Variants in SIRPA observed in about 807,000 individuals in gnomAD.
SIRPA encodes signal regulatory protein alpha, also known as tyrosine-protein phosphatase non-receptor type substrate 1.
In SIRPA, 9 loss-of-function variants were observed where a neutral mutation model predicts 50.3. The ratio of observed to expected loss-of-function variants is 0.18; its 90% CI spans 0.11 to 0.31. The LOEUF is 0.31. Among genes scored for constraint, SIRPA ranks in the 10% least tolerant of loss-of-function variants. The pLI, the probability that SIRPA is intolerant of heterozygous loss-of-function variation, is 1.00. For synonymous variants in SIRPA, 265 were observed against 284.1 expected (o/e 0.93, Z 0.68); for missense variants, 474 against 661.6 (o/e 0.72, Z 3.11).
At chr20:1,912,578 C>T (rs1984957601) in intron 1 of SIRPA, among the ~76,000 whole-genome samples, 1 of 152,190 alleles carries the variant, frequency 6.6e-6, no homozygotes, top group African/African-American at 2.4e-5. Flanking sequence ...TGTGACAATC[C>T]AGAGAAAATC....
chr20:1,901,615 G>A (rs747360892), intron 1 of SIRPA, among the ~76,000 whole-genome samples: 1 of 152,130 alleles, frequency 6.6e-6, no homozygotes, highest in Non-Finnish European at 1.5e-5. Context: ...GTGTTCCTGG[G>A]ATGGGTATTC....
Position 1,934,707 on chromosome 20 carries a change from C to T in SIRPA, c.1227-8C>T, listed in dbSNP as rs541111031. On this transcript the variant is annotated splice_region_variant and splice_polypyrimidine_tract_variant and intron_variant, in intron 6 of 7. Transcript: ENST00000358771. The surrounding 1 kb of genome is among the most constrained non-coding windows in gnomAD (Gnocchi z 4.6). ...GTATTTTTATCTGTGTGTCTCTTTC[C>T]TTTTTAGGTTGCATGAGCCCGAGAA... 80 of 1,613,828 alleles carry T rather than the reference C, an allele frequency of 5.0e-5. No homozygotes were observed. Among genetic ancestry groups the T allele is most frequent in the Non-Finnish European group, 6.4e-5 (76 of 1,179,866 alleles).
intron 1 of SIRPA, among the ~76,000 whole-genome samples, chr20:1,899,415 C>T (rs969906432): frequency 4.6e-5 from 7 of 152,130 alleles, no homozygotes; most frequent in Non-Finnish European, 1.0e-4. Flanking sequence ...TGTAGAATCC[C>T]GAGCTGGGTC....
intron 1 of SIRPA, among the ~76,000 whole-genome samples, chr20:1,912,127 A>G (rs192474154): frequency 6.6e-6 from 1 of 152,362 alleles, no homozygotes; most frequent in African/African-American, 2.4e-5. Context: ...AGCTAAAAAA[A>G]AAATGGGGGA....
At chr20:1,931,471 G>A (rs532070337) in intron 6 of SIRPA, among the ~76,000 whole-genome samples, 8 of 152,222 alleles carry the variant, frequency 5.3e-5, no homozygotes, top group Non-Finnish European at 7.4e-5. Flanking sequence ...GAAACCAACC[G>A]TTTTCTGCCT....
intron 2 of SIRPA, among the ~76,000 whole-genome samples, chr20:1,918,337 A>G (rs1466557378): frequency 1.4e-5 from 2 of 145,404 alleles, no homozygotes; most frequent in East Asian, 2.0e-4. Flanking sequence ...CTGGGATTAC[A>G]GGGGCACCCA....
intron 2 of SIRPA, among the ~76,000 whole-genome samples, chr20:1,919,712 C>T (rs1985528341): frequency 1.3e-5 from 2 of 152,132 alleles, no homozygotes; most frequent in African/African-American, 4.8e-5. Context: ...AAAATGCTTC[C>T]AGCTTCTGTA....
At position 1,927,150 on chromosome 20, in the gene SIRPA, G is replaced by A. The variant is rs1986028709; in HGVS notation, c.1202-725G>A. ...CAGCAAGAATTCTTGCACTGTGGCA[G>A]CCTCCAGCCTATTAAAGTGCGGTGC... On this transcript the variant is annotated intron_variant, in intron 5 of 7. Transcript: ENST00000358771. The surrounding 1 kb of genome is among the most constrained non-coding windows in gnomAD (Gnocchi z 6.5). 6.6e-6 allele frequency among the ~76,000 whole-genome samples: 1 copy of A among 152,256 alleles called. No homozygotes were observed. Among genetic ancestry groups the A allele is most frequent in the Non-Finnish European group, 1.5e-5 (1 of 68,048 alleles).
upstream of SIRPA, chr20:1,894,463 T>A (rs1181364236): frequency 1.3e-5 from 2 of 152,176 alleles, no homozygotes; most frequent in Non-Finnish European, 2.9e-5. This position sits in a 1 kb window ranked among gnomAD's most constrained non-coding sequence, Gnocchi z 4.0. Context: ...GGACCCGGCC[T>A]CTGGGCAGCC....
At chr20:1,913,254 A>G (rs1985012126) in intron 1 of SIRPA, among the ~76,000 whole-genome samples, 1 of 152,190 alleles carries the variant, frequency 6.6e-6, no homozygotes. Flanking sequence ...ACCGGGCCCC[A>G]AGGGTGATCC....
At chr20:1,907,115 G>A (rs1055156783) in intron 1 of SIRPA, among the ~76,000 whole-genome samples, 2 of 152,174 alleles carry the variant, frequency 1.3e-5, no homozygotes, top group Admixed American at 1.3e-4. Flanking sequence ...CATGGATGGG[G>A]CCACCAGAGT....
At chr20:1,918,744 AATGATG>A (rs1277987787) in intron 2 of SIRPA, among the ~76,000 whole-genome samples, 1 of 151,894 alleles carries the variant, frequency 6.6e-6, no homozygotes, top group Non-Finnish European at 1.5e-5. Flanking sequence ...CTGTCTATGA[AATGATG>A]ATGATGATTG....
chr20:1,936,609 C>G lies in SIRPA; in HGVS notation c.1267-711C>G, dbSNP rs952084847. 6.6e-6 allele frequency among the ~76,000 whole-genome samples: 1 copy of G among 152,168 alleles called. No homozygotes were observed. Among genetic ancestry groups the G allele is most frequent in the African/African-American group, 2.4e-5 (1 of 41,432 alleles). On this transcript the variant is annotated intron_variant, in intron 7 of 7. Coordinates refer to ENST00000358771, the MANE Select transcript of SIRPA (RefSeq NM_001040023.2). The surrounding 1 kb of genome is among the most constrained non-coding windows in gnomAD (Gnocchi z 4.2). ...TCTGTCTCCCTGTCCCCAGCTTTGCCCTGAGTGAAGGTGAAATTATTGCCA... is the reference window on the plus strand; with the variant it reads ...TCTGTCTCCCTGTCCCCAGCTTTGCGCTGAGTGAAGGTGAAATTATTGCCA...
At chr20:1,909,027 C>G (rs1984723401) in intron 1 of SIRPA, among the ~76,000 whole-genome samples, 1 of 152,182 alleles carries the variant, frequency 6.6e-6, no homozygotes, top group Admixed American at 6.5e-5. Flanking sequence ...AGAGGCAGCC[C>G]CCGATGAGGA....
chr20:1,937,105 C>A lies in SIRPA; in HGVS notation c.1267-215C>A, dbSNP rs1013549521. ...GACTGCACTGTGCGGGTCAGAAAGA[C>A]CCTTCAGGCAGGGTGAGGAGGAGGG... On this transcript the variant is annotated intron_variant, in intron 7 of 7. Transcript: ENST00000358771. This position sits in a 1 kb window ranked among gnomAD's most constrained non-coding sequence, Gnocchi z 8.3. 2.0e-5 allele frequency among the ~76,000 whole-genome samples: 3 copies of A among 147,458 alleles called. No homozygotes were observed. Among genetic ancestry groups the A allele is most frequent in the Non-Finnish European group, 4.4e-5 (3 of 67,972 alleles).
chr20:1,937,204 C>T lies in SIRPA; in HGVS notation c.1267-116C>T. On this transcript the variant is annotated intron_variant, in intron 7 of 7. Coordinates refer to ENST00000358771, the MANE Select transcript of SIRPA (RefSeq NM_001040023.2). The surrounding 1 kb of genome is among the most constrained non-coding windows in gnomAD (Gnocchi z 8.3). ...AGGGGAACATGACTTATGGCTGAGC[C>T]AGTGTGGGCCGAGAGGACACAGAAG... 5 of 1,249,844 alleles carry T rather than the reference C, an allele frequency of 4.0e-6. No homozygotes were observed. Among genetic ancestry groups the T allele is most frequent in the Non-Finnish European group, 5.6e-6 (5 of 893,262 alleles). 77.4% of individuals were successfully genotyped at this position (1,249,844 alleles called of 1,614,324 possible).
At chr20:1,899,764 T>C (rs1036476494) in intron 1 of SIRPA, among the ~76,000 whole-genome samples, 1 of 152,144 alleles carries the variant, frequency 6.6e-6, no homozygotes, top group African/African-American at 2.4e-5. Context: ...TGAGCCCTGC[T>C]ACTGACTTGG....
rs1568490005 is a variant in SIRPA, at chr20:1,895,424, C to T, written c.-24C>T. 2 of 1,379,630 alleles carry T rather than the reference C, an allele frequency of 1.4e-6. No homozygotes were observed. The highest frequency in any genetic ancestry group is 1.9e-6 in the Non-Finnish European group (2 of 1,070,758). The allele number at this position is 1,379,630 out of a possible 1,614,324, so 85.5% of individuals were successfully genotyped here. ...GAGCGCGCACTCACGGCCGCTCTCCCTCCTCGCTCCGCAGCCGCGGCCCAT... is the reference window on the plus strand; with the variant it reads ...GAGCGCGCACTCACGGCCGCTCTCCTTCCTCGCTCCGCAGCCGCGGCCCAT... On this transcript the variant is annotated 5_prime_UTR_variant, in exon 1 of 8. Coordinates refer to ENST00000358771, the MANE Select transcript of SIRPA (RefSeq NM_001040023.2).
At chr20:1,921,015 G>GCT (rs1160306447) in intron 2 of SIRPA, among the ~76,000 whole-genome samples, 3 of 152,314 alleles carry the variant, frequency 2.0e-5, no homozygotes, top group Admixed American at 6.5e-5. Flanking sequence ...CTCTATAAAC[G>GCT]CTCTCTCTGA....
Sources: gnomAD v4.1 joint callset for allele counts (sites outside exome capture counted in the v4.1 genomes callset) on GRCh38, gnomAD v4.1.1 for gene constraint, Gnocchi (gnomAD v3.1) non-coding constraint, MANE v1.5 for transcripts, NCBI Gene and HGNC (gene_info 2026-07-23, HGNC 2026-07-21) for gene names.